The following SPAG17 variants were observed in gnomAD, a reference collection of about 807,000 sequenced individuals.
The protein encoded by SPAG17 is sperm-associated antigen 17.
SPAG17 carries 169 observed loss-of-function variants against 273.6 expected under a neutral mutation model. The observed-to-expected ratio is 0.62, with a 90% CI of 0.55 to 0.70. The LOEUF (loss-of-function observed/expected upper bound fraction) is 0.70. SPAG17 is among the 30% of genes least tolerant of loss of function. The pLI is 0.00. For missense variants in SPAG17, 2,557 were observed against 2,627.8 expected, an observed-to-expected ratio of 0.97 and a Z score of 0.59; for synonymous variants, 825 against 873.2, an observed-to-expected ratio of 0.94 and a Z score of 0.97.
At position 118,100,046 on chromosome 1, in the gene SPAG17, G is replaced by A. The variant is rs563476519; in HGVS notation, c.635-246C>T. ...CAAATGCGACATAGGCGTAATAGAA[G>A]GACAAACCTATATGGGGCTTGTGGT... On this transcript the variant is annotated intron_variant, in intron 5 of 48. Transcript: ENST00000336338. Among the ~76,000 whole-genome samples the A allele has an allele frequency of 2.6e-5, 4 of 152,278 alleles. No homozygotes were observed. The South Asian group carries it at 8.3e-4, about 32-fold the overall frequency.
chr1:118,069,344 C>CAAAGAAAAAAAAAAAAAAA (rs1653327534), intron 17 of SPAG17, among the ~76,000 whole-genome samples: 1 of 86,182 alleles, frequency 1.2e-5, no homozygotes. Flanking sequence ...GACTCCGTCT[C>CAAAGAAAAAAAAAAAAAAA]AAAAAAAAAA....
chr1:118,179,566 T>C (rs1473820901), intron 1 of SPAG17, among the ~76,000 whole-genome samples: 1 of 151,896 alleles, frequency 6.6e-6, no homozygotes, highest in African/African-American at 2.4e-5. Context: ...CAAAAGCATA[T>C]GCAACCAAAG....
chr1:118,077,718 A>C (rs1654221543), intron 15 of SPAG17, among the ~76,000 whole-genome samples: 3 of 152,158 alleles, frequency 2.0e-5, no homozygotes, highest in African/African-American at 4.8e-5. Context: ...AGGTAGGCTA[A>C]TAGGTAAGGG....
chr1:118,062,747 T>A (rs1339760269), intron 18 of SPAG17, among the ~76,000 whole-genome samples: 1 of 152,158 alleles, frequency 6.6e-6, no homozygotes. Flanking sequence ...TCCAAAAGAT[T>A]GTGGAAGATT....
At position 118,083,089 on chromosome 1, in the gene SPAG17, C is replaced by T. The variant is rs527953370; in HGVS notation, c.1763-1447G>A. 2.0e-5 allele frequency among the ~76,000 whole-genome samples: 3 copies of T among 152,266 alleles called. No homozygotes were observed. In the South Asian group the frequency reaches 6.2e-4, roughly 32 times the overall value. On this transcript the variant is annotated intron_variant, in intron 13 of 48. Coordinates refer to ENST00000336338, the MANE Select transcript of SPAG17 (RefSeq NM_206996.4). Reference sequence around the variant, plus strand: ...TCTCCCACCTCAGCTTCCCAAGTAGCTGGGTCTGCAGGCACGTGCCACCAC... The same window carrying T: ...TCTCCCACCTCAGCTTCCCAAGTAGTTGGGTCTGCAGGCACGTGCCACCAC...
At chr1:118,037,859 C>A (rs1035426678) in intron 23 of SPAG17, among the ~76,000 whole-genome samples, 4 of 152,038 alleles carry the variant, frequency 2.6e-5, no homozygotes, top group African/African-American at 9.7e-5. Context: ...TTTCAGTTCA[C>A]CATTTTCTCT....
intron 21 of SPAG17, among the ~76,000 whole-genome samples, chr1:118,041,557 T>C (rs1333358522): frequency 6.6e-6 from 1 of 152,104 alleles, no homozygotes; most frequent in Non-Finnish European, 1.5e-5. Flanking sequence ...TCTGTGTTTA[T>C]TGACCTTAGC....
intron 3 of SPAG17, among the ~76,000 whole-genome samples, chr1:118,124,551 G>A (rs1032263366): frequency 2.0e-5 from 3 of 152,142 alleles, no homozygotes; most frequent in Non-Finnish European, 2.9e-5. Context: ...AAATGTTTTT[G>A]ATTGTTTATA....
chr1:118,142,589 G>C (rs1287452639), intron 3 of SPAG17, among the ~76,000 whole-genome samples: 1 of 152,108 alleles, frequency 6.6e-6, no homozygotes, highest in African/African-American at 2.4e-5. Context: ...AATAGTAATA[G>C]TAATAGCTAA....
intron 34 of SPAG17, 32 bp from the exon 35 acceptor site, chr1:117,994,562 A>G (rs1220797944): frequency 1.9e-6 from 3 of 1,586,236 alleles, no homozygotes; most frequent in Admixed American, 3.7e-5. Flanking sequence ...GAAGACCATT[A>G]CCCATTGAAA....
chr1:118,157,692 A>ATTCGAATCTC (rs1553257260), intron 1 of SPAG17, among the ~76,000 whole-genome samples: 1 of 152,336 alleles, frequency 6.6e-6, no homozygotes, highest in East Asian at 1.9e-4. Context: ...CTGAGCCCAG[A>ATTCGAATCTC]TTCGAATCTC....
chr1:118,060,462 A>C (rs556426249), intron 18 of SPAG17, among the ~76,000 whole-genome samples: 4 of 152,098 alleles, frequency 2.6e-5, no homozygotes, highest in Admixed American at 6.6e-5. Context: ...CACTATTTAC[A>C]TATTTTTGTA....
intron 43 of SPAG17, among the ~76,000 whole-genome samples, chr1:117,974,059 A>G (rs1018001104): frequency 3.9e-5 from 6 of 152,176 alleles, no homozygotes; most frequent in South Asian, 2.1e-4. Flanking sequence ...TAAAAATCCA[A>G]TCCATCATTG....
intron 18 of SPAG17, among the ~76,000 whole-genome samples, chr1:118,065,395 C>G (rs1300879816): frequency 6.6e-6 from 1 of 151,938 alleles, no homozygotes. Flanking sequence ...TAATTTTCCA[C>G]AAACTATTTC....
chr1:117,998,030 C>A (rs1327450678), intron 32 of SPAG17, among the ~76,000 whole-genome samples: 1 of 152,094 alleles, frequency 6.6e-6, no homozygotes. Flanking sequence ...TTGATAGTTT[C>A]TTTTGCTGTA....
intron 3 of SPAG17, among the ~76,000 whole-genome samples, chr1:118,123,611 A>T (rs1657541405): frequency 6.6e-6 from 1 of 152,004 alleles, no homozygotes; most frequent in African/African-American, 2.4e-5. Context: ...GTAGCAGGTG[A>T]CTCCTAGATC....
intron 7 of SPAG17, among the ~76,000 whole-genome samples, chr1:118,094,064 T>C (rs1221403489): frequency 6.6e-6 from 1 of 152,108 alleles, no homozygotes; most frequent in African/African-American, 2.4e-5. Context: ...GTTCAAGAAG[T>C]AAGGTGGTAT....
intron 28 of SPAG17, among the ~76,000 whole-genome samples, chr1:118,021,396 G>C (rs1396519362): frequency 6.6e-6 from 1 of 152,088 alleles, no homozygotes; most frequent in Non-Finnish European, 1.5e-5. Flanking sequence ...CAGGTGTTTG[G>C]TGGGGTAGTG....
At chr1:118,036,728 G>T in intron 24 of SPAG17, 42 bp downstream of exon 24, 1 of 1,365,020 alleles carries the variant, frequency 7.3e-7, no homozygotes, top group Non-Finnish European at 1.0e-6. Context: ...AGGGACCCTT[G>T]GCTGTGGGGC....
Sources: allele counts gnomAD v4.1 joint callset (sites outside exome capture counted in the v4.1 genomes callset), GRCh38; gene constraint gnomAD v4.1.1; transcripts MANE v1.5; gene names NCBI Gene and HGNC (gene_info 2026-07-23, HGNC 2026-07-21).